The following FAM168A variants were observed in gnomAD, a reference collection of about 807,000 sequenced individuals.
FAM168A encodes protein FAM168A.
Under a neutral mutation model 28.5 loss-of-function variants are expected in FAM168A, and 3 were observed. That is an observed-to-expected ratio of 0.11 (90% CI 0.05 to 0.27). The LOEUF is 0.27. Among genes scored for constraint, FAM168A ranks in the 10% least tolerant of loss-of-function variants. FAM168A has a pLI of 1.00. For synonymous variants in FAM168A, 122 were observed against 124.2 expected (o/e 0.98, Z 0.12); for missense variants, 222 against 311.5 (o/e 0.71, Z 2.16).
intron 1 of FAM168A, among the ~76,000 whole-genome samples, chr11:73,592,259 G>A (rs1207339591): frequency 6.6e-6 from 1 of 152,326 alleles, no homozygotes; most frequent in African/African-American, 2.4e-5. Context: ...AGGAGGAGGT[G>A]TATTGGAACT....
intron 1 of FAM168A, among the ~76,000 whole-genome samples, chr11:73,564,350 A>T (rs1242418926): frequency 1.3e-5 from 2 of 152,172 alleles, no homozygotes; most frequent in Non-Finnish European, 2.9e-5. Context: ...AGCAAACTAC[A>T]AATGTCCACC....
intron 1 of FAM168A, among the ~76,000 whole-genome samples, chr11:73,584,536 C>T (rs1944286168): frequency 1.4e-5 from 2 of 146,676 alleles, no homozygotes; most frequent in South Asian, 4.3e-4. Context: ...TGCAGTGGCG[C>T]AATCTCGGCT....
intron 1 of FAM168A, among the ~76,000 whole-genome samples, chr11:73,476,907 A>G (rs1297914767): frequency 2.0e-5 from 3 of 152,086 alleles, no homozygotes; most frequent in African/African-American, 4.8e-5. Flanking sequence ...AACAAAAAGA[A>G]AACAATGAAG....
intron 1 of FAM168A, among the ~76,000 whole-genome samples, chr11:73,561,056 T>A (rs1165887243): frequency 1.6e-5 from 2 of 123,684 alleles, no homozygotes; most frequent in Admixed American, 1.6e-4. Context: ...AGCAAGACTC[T>A]GTCCCAAAAA....
intron 1 of FAM168A, among the ~76,000 whole-genome samples, chr11:73,595,421 G>A (rs550209851): frequency 1.2e-4 from 18 of 152,172 alleles, no homozygotes; most frequent in Middle Eastern, 6.8e-3. Flanking sequence ...GTTTGTTTGC[G>A]AGCTAAATTC....
chr11:73,490,719 T>C (rs1868116134), intron 1 of FAM168A, among the ~76,000 whole-genome samples: 1 of 152,218 alleles, frequency 6.6e-6, no homozygotes, highest in African/African-American at 2.4e-5. Context: ...CTTGGCTCCC[T>C]ACCTAAAAGT....
intron 1 of FAM168A, among the ~76,000 whole-genome samples, chr11:73,472,997 C>T (rs1240870904): frequency 6.6e-6 from 1 of 151,876 alleles, no homozygotes; most frequent in African/African-American, 2.4e-5. Flanking sequence ...AACATTACCT[C>T]TTTGGTGGTT....
intron 1 of FAM168A, among the ~76,000 whole-genome samples, chr11:73,522,509 T>C (rs1011026735): frequency 2.0e-5 from 3 of 151,900 alleles, no homozygotes; most frequent in Admixed American, 1.3e-4. Flanking sequence ...GCTAATTTTT[T>C]GTATTTTTAG....
chr11:73,459,206 CCTGAGTAG>C (rs1867596995), intron 2 of FAM168A, among the ~76,000 whole-genome samples: 1 of 152,068 alleles, frequency 6.6e-6, no homozygotes, highest in Non-Finnish European at 1.5e-5. Flanking sequence ...ACCTCAGCCT[CCTGAGTAG>C]CTGGGACAAC....
chr11:73,498,994 C>T (rs1409215008), intron 1 of FAM168A, among the ~76,000 whole-genome samples: 1 of 152,166 alleles, frequency 6.6e-6, no homozygotes, highest in Non-Finnish European at 1.5e-5. Flanking sequence ...GCGGAACACA[C>T]CCTCTCCACC....
chr11:73,577,390 C>A (rs1166143440), intron 1 of FAM168A, among the ~76,000 whole-genome samples: 1 of 152,132 alleles, frequency 6.6e-6, no homozygotes, highest in East Asian at 1.9e-4. Context: ...CAAATAATTT[C>A]ACAAATTATT....
intron 1 of FAM168A, among the ~76,000 whole-genome samples, chr11:73,584,256 T>C (rs567394525): frequency 2.6e-5 from 4 of 151,868 alleles, no homozygotes; most frequent in Admixed American, 1.3e-4. Context: ...CCCTGCAGCC[T>C]CGACCTCCTG....
At chr11:73,441,796 C>G (rs959105026) in intron 2 of FAM168A, among the ~76,000 whole-genome samples, 2 of 152,188 alleles carry the variant, frequency 1.3e-5, no homozygotes, top group Non-Finnish European at 2.9e-5. Context: ...TGTTAGCATA[C>G]AATTGTTCAC....
intron 1 of FAM168A, among the ~76,000 whole-genome samples, chr11:73,531,601 G>C (rs549122961): frequency 2.6e-5 from 4 of 152,222 alleles, no homozygotes; most frequent in Non-Finnish European, 5.9e-5. Context: ...GAGATCTTGA[G>C]AGCCCCAGAC....
At chr11:73,552,073 T>C (rs375276331) in intron 1 of FAM168A, among the ~76,000 whole-genome samples, 2 of 152,236 alleles carry the variant, frequency 1.3e-5, no homozygotes, top group African/African-American at 4.8e-5. Context: ...GACTTTCTTA[T>C]CTTTGACCTC....
intron 2 of FAM168A, among the ~76,000 whole-genome samples, chr11:73,439,964 C>T (rs1867164323): frequency 6.9e-6 from 1 of 145,312 alleles, no homozygotes; most frequent in Non-Finnish European, 1.5e-5. Flanking sequence ...CTGCTCACTG[C>T]AACCTCTGCC....
At chr11:73,463,125 C>G (rs1360973707) in intron 2 of FAM168A, among the ~76,000 whole-genome samples, 1 of 151,712 alleles carries the variant, frequency 6.6e-6, no homozygotes, top group Non-Finnish European at 1.5e-5. Context: ...TGCGCCACCA[C>G]ATCTGGTTAT....
chr11:73,578,993 C>T (rs1944210629), intron 1 of FAM168A, among the ~76,000 whole-genome samples: 1 of 152,200 alleles, frequency 6.6e-6, no homozygotes, highest in Non-Finnish European at 1.5e-5. Flanking sequence ...GATCAAGGTA[C>T]TAGCAGATCT....
At chr11:73,594,240 C>T (rs1472126581) in intron 1 of FAM168A, among the ~76,000 whole-genome samples, 1 of 151,796 alleles carries the variant, frequency 6.6e-6, no homozygotes, top group African/African-American at 2.4e-5. Flanking sequence ...TCTGGGATTA[C>T]AGGTATACGC....
Sources: gnomAD v4.1 joint callset for allele counts (sites outside exome capture counted in the v4.1 genomes callset) on GRCh38, gnomAD v4.1.1 for gene constraint, MANE v1.5 for transcripts, NCBI Gene and HGNC (gene_info 2026-07-23, HGNC 2026-07-21) for gene names.